Variants in TMCO5A observed in about 807,000 individuals in gnomAD.
The protein encoded by TMCO5A is transmembrane and coiled-coil domain-containing protein 5A.
Under a neutral mutation model 42.3 loss-of-function variants are expected in TMCO5A, and 34 were observed. That is an observed-to-expected ratio of 0.80 (90% CI 0.61 to 1.07). TMCO5A has a LOEUF of 1.07. TMCO5A is among the 50% of genes least tolerant of loss of function. The pLI, the probability that TMCO5A is intolerant of heterozygous loss-of-function variation, is 0.00. For synonymous variants in TMCO5A, 131 were observed against 115.6 expected (o/e 1.13, Z -0.86); for missense variants, 357 against 327.9 (o/e 1.09, Z -0.69).
chr15:37,998,658 C>G, the TMCO5A span, among the ~76,000 whole-genome samples: 1 of 151,752 alleles, frequency 6.6e-6, no homozygotes, highest in Non-Finnish European at 1.5e-5. Flanking sequence ...TTCTTTTTGC[C>G]CAGGATGGCT....
Position 37,942,986 on chromosome 15 carries a change from A to C in TMCO5A, c.570-355A>C, listed in dbSNP as rs137994239. The C allele has an allele frequency of 7.8e-3, 1,484 of 189,464 alleles. 17 individuals are homozygous for C. The highest frequency in any genetic ancestry group is 0.03 in the South Asian group (266 of 8,768). 11.7% of individuals were successfully genotyped at this position (189,464 alleles called of 1,614,324 possible). A position where few individuals can be genotyped will look rare whatever the true frequency, so the allele number is the denominator to read the frequency against. On this transcript the variant is annotated intron_variant, in intron 9 of 11. Transcript: ENST00000319669. ...CTATATATATATAGTCCAGGGTCCT[A>C]GGACTTGTAGGTCCTTGCCCCTAAA...
the TMCO5A span, among the ~76,000 whole-genome samples, chr15:38,003,428 G>A: frequency 1.3e-5 from 2 of 152,090 alleles, no homozygotes; most frequent in Admixed American, 6.5e-5. Flanking sequence ...TAAGGGCTCT[G>A]TAACCAGCAG....
chr15:37,982,496 A>AT, the TMCO5A span, among the ~76,000 whole-genome samples: 2 of 145,044 alleles, frequency 1.4e-5, no homozygotes, highest in Admixed American at 1.4e-4. Flanking sequence ...TATATTATCT[A>AT]TATATAATAG....
At chr15:37,968,355 C>T (rs1304729658), downstream of TMCO5A, among the ~76,000 whole-genome samples, 2 of 152,132 alleles carry the variant, frequency 1.3e-5, no homozygotes, top group Non-Finnish European at 2.9e-5. Context: ...AAAGACTCAC[C>T]ACCCAAACGC....
At chr15:37,957,263 A>G (rs1890314420) in intron 11 of TMCO5A, among the ~76,000 whole-genome samples, 1 of 152,200 alleles carries the variant, frequency 6.6e-6, no homozygotes, top group African/African-American at 2.4e-5. Flanking sequence ...AGAGAAAGAA[A>G]TAAAAGGTAT....
intron 8 of TMCO5A, 83 bp downstream of exon 8, chr15:37,941,813 C>T (rs1889757505): frequency 8.2e-7 from 1 of 1,216,512 alleles, no homozygotes; most frequent in African/African-American, 1.5e-5. Flanking sequence ...AGACTACTGT[C>T]CAGAGCAATT....
the TMCO5A span, among the ~76,000 whole-genome samples, chr15:38,023,606 G>A: frequency 3.3e-5 from 5 of 152,130 alleles, no homozygotes; most frequent in Non-Finnish European, 5.9e-5. Flanking sequence ...TGGCCAATCC[G>A]ATTTAAGTGG....
At chr15:38,026,853 G>A in the TMCO5A span, among the ~76,000 whole-genome samples, 9 of 152,242 alleles carry the variant, frequency 5.9e-5, no homozygotes, top group Admixed American at 5.9e-4. Context: ...TGGCTTCAGA[G>A]GGTGGAAGCC....
chr15:37,995,895 G>A, the TMCO5A span, among the ~76,000 whole-genome samples: 2 of 150,900 alleles, frequency 1.3e-5, no homozygotes, highest in Non-Finnish European at 2.9e-5. Flanking sequence ...TTATCCACAC[G>A]ATGGTGCTAG....
At chr15:37,935,636 A>C (rs898943952) in intron 2 of TMCO5A, among the ~76,000 whole-genome samples, 4 of 152,158 alleles carry the variant, frequency 2.6e-5, no homozygotes, top group Admixed American at 6.6e-5. Context: ...AAAATATATC[A>C]AGAGCCTCCC....
intron 11 of TMCO5A, among the ~76,000 whole-genome samples, chr15:37,948,613 T>C (rs1488224889): frequency 6.6e-6 from 1 of 152,106 alleles, no homozygotes; most frequent in Non-Finnish European, 1.5e-5. Context: ...TGTGTGGATT[T>C]CTAGAATAAG....
the TMCO5A span, among the ~76,000 whole-genome samples, chr15:38,003,647 C>G: frequency 1.3e-5 from 2 of 152,040 alleles, no homozygotes; most frequent in Non-Finnish European, 2.9e-5. Flanking sequence ...CCTCTTTTCT[C>G]AAGCAGATGA....
In TMCO5A at chr15:37,942,996, G is replaced by C. The variant is rs566752252; in HGVS notation, c.570-345G>C. ...ATAGTCCAGGGTCCTAGGACTTGTA[G>C]GTCCTTGCCCCTAAAGGACACCTTC... On this transcript the variant is annotated intron_variant, in intron 9 of 11. Coordinates refer to ENST00000319669, the MANE Select transcript of TMCO5A (RefSeq NM_152453.4). 1.5e-5 allele frequency: 3 copies of C among 194,582 alleles called. No homozygotes were observed. The Admixed American group carries it at 1.6e-4, about 10-fold the overall frequency. The allele number at this position is 194,582 out of a possible 1,614,324, so 12.1% of individuals were successfully genotyped here. A position where few individuals can be genotyped will look rare whatever the true frequency, so the allele number is the denominator to read the frequency against.
the TMCO5A span, among the ~76,000 whole-genome samples, chr15:38,027,680 C>T: frequency 6.6e-6 from 1 of 152,084 alleles, no homozygotes; most frequent in Non-Finnish European, 1.5e-5. Context: ...TCTCCCCACC[C>T]AAATCTCACC....
At chr15:37,967,730 A>G (rs1013479221), downstream of TMCO5A, 3 of 152,206 alleles carry the variant, frequency 2.0e-5, no homozygotes, top group Admixed American at 6.5e-5. Context: ...AAATTAAAAA[A>G]ACTGGATATA....
rs538321139 is a variant in TMCO5A, at chr15:37,958,382, A to C, written c.669-8243A>C. 1.4e-4 allele frequency among the ~76,000 whole-genome samples: 19 copies of C among 139,220 alleles called. No individual in the cohort carries two copies. In the South Asian group the frequency reaches 3.8e-3, roughly 28 times the overall value. 91.3% of individuals were successfully genotyped at this position (139,220 alleles called of 152,430 possible). A position where few individuals can be genotyped will look rare whatever the true frequency, so the allele number is the denominator to read the frequency against. On this transcript the variant is annotated intron_variant, in intron 11 of 11. Transcript: ENST00000559502. Reference sequence around the variant, plus strand: ...TATCCAGAATCTACAAAGAACTTAAACAATTTACAAGAAAAACAAACAAAC... The same window carrying C: ...TATCCAGAATCTACAAAGAACTTAACCAATTTACAAGAAAAACAAACAAAC...
chr15:37,977,488 T>C, the TMCO5A span, among the ~76,000 whole-genome samples: 3 of 152,218 alleles, frequency 2.0e-5, no homozygotes, highest in African/African-American at 7.2e-5. Flanking sequence ...AAAGTATTTT[T>C]GGTGTTGAAG....
At chr15:37,937,441 C>T in intron 5 of TMCO5A, 45 bp downstream of exon 5, 1 of 1,606,176 alleles carries the variant, frequency 6.2e-7, no homozygotes, top group Non-Finnish European at 8.5e-7. Context: ...ACAACAGCCC[C>T]ATTCATCAAA....
At chr15:37,941,756 C>T in intron 8 of TMCO5A, 26 bp downstream of exon 8, 2 of 1,579,090 alleles carry the variant, frequency 1.3e-6, no homozygotes, top group Non-Finnish European at 1.7e-6. Flanking sequence ...AAAGGGATAG[C>T]AAAGGGTTTA....
Sources: gnomAD v4.1 joint callset for allele counts (sites outside exome capture counted in the v4.1 genomes callset) on GRCh38, gnomAD v4.1.1 for gene constraint, MANE v1.5 for transcripts, NCBI Gene and HGNC (gene_info 2026-07-23, HGNC 2026-07-21) for gene names.